Variants in AHCYL1 observed in about 807,000 individuals in gnomAD.
AHCYL1 encodes adenosylhomocysteinase like 1, also known as S-adenosylhomocysteine hydrolase-like protein 1.
Under a neutral mutation model 79.3 loss-of-function variants are expected in AHCYL1, and 20 were observed. The ratio of observed to expected loss-of-function variants is 0.25; its 90% CI spans 0.18 to 0.37. The LOEUF (loss-of-function observed/expected upper bound fraction) is 0.37, where lower values mean the gene tolerates loss of function less well. Ranked by LOEUF, AHCYL1 falls within the 10% of genes least tolerant of loss-of-function variation. The pLI is 1.00. For synonymous variants in AHCYL1, 223 were observed against 242.2 expected (o/e 0.92, Z 0.74); for missense variants, 330 against 673.6 (o/e 0.49, Z 5.65).
chr1:110,007,711 C>T (rs965166987), intron 1 of AHCYL1, among the ~76,000 whole-genome samples: 2 of 152,160 alleles, frequency 1.3e-5, no homozygotes, highest in Non-Finnish European at 2.9e-5. Flanking sequence ...TTGCTAAAGA[C>T]TTAGCTTAAT....
chr1:110,007,135 T>C (rs1255894568), intron 1 of AHCYL1, among the ~76,000 whole-genome samples: 1 of 152,296 alleles, frequency 6.6e-6, no homozygotes, highest in South Asian at 2.1e-4. Context: ...TATGAAAAAC[T>C]GCAAGTGTTA....
chr1:109,991,745 C>T (rs957428370), intron 1 of AHCYL1, among the ~76,000 whole-genome samples: 20 of 152,230 alleles, frequency 1.3e-4, no homozygotes, highest in African/African-American at 4.6e-4. Flanking sequence ...GTGTGAACTA[C>T]GTAGTAAATT....
Position 110,012,954 on chromosome 1 carries a change from A to G in AHCYL1, c.535A>G (p.Ile179Val). Residue 179 changes from isoleucine (I) to valine (V), a missense_variant, in exon 5 of 17, where the codon ATC becomes GTC. Ile to Val is a conservative substitution (Grantham distance 29). Transcript: ENST00000369799. ...TCAGTGCCGCTGGTCTGCTTGTAACATCTACTCAACTCAGAATGAAGTAGC... is the reference window on the plus strand; with the variant it reads ...TCAGTGCCGCTGGTCTGCTTGTAACGTCTACTCAACTCAGAATGAAGTAGC... ...GAQCRWSACNIYSTQNEVAAA... is the reference protein window; with the variant it reads ...GAQCRWSACNVYSTQNEVAAA... 6.2e-7 allele frequency: 1 copy of G among 1,613,344 alleles called. No individual in the cohort carries two copies. The highest frequency in any genetic ancestry group is 8.5e-7 in the Non-Finnish European group (1 of 1,179,840).
intron 1 of AHCYL1, among the ~76,000 whole-genome samples, chr1:110,000,663 TAAAG>T (rs1331524242): frequency 1.3e-5 from 2 of 151,988 alleles, no homozygotes; most frequent in Non-Finnish European, 2.9e-5. Flanking sequence ...CCCTTGGAAA[TAAAG>T]GGGAAAGCTG....
intron 5 of AHCYL1, among the ~76,000 whole-genome samples, 178 bp from the exon 6 acceptor site, chr1:110,014,585 A>T (rs1214366718): frequency 1.3e-5 from 2 of 152,250 alleles, no homozygotes; most frequent in African/African-American, 2.4e-5. Context: ...AAAATTCCTT[A>T]ATTTCTTAAC....
intron 1 of AHCYL1, chr1:110,004,543 T>C: frequency 1.0e-6 from 1 of 964,708 alleles, no homozygotes; most frequent in Non-Finnish European, 1.2e-6. Flanking sequence ...TATTCAGACT[T>C]GTGTATTTCT....
At chr1:110,011,486 C>A (rs529832242) in intron 3 of AHCYL1, 129 bp downstream of exon 3, 4 of 1,240,190 alleles carry the variant, frequency 3.2e-6, no homozygotes, top group Non-Finnish European at 4.5e-6. Context: ...TATGGACTTT[C>A]GGATAAACAC....
At chr1:109,996,097 C>T (rs924602420) in intron 1 of AHCYL1, among the ~76,000 whole-genome samples, 1 of 152,140 alleles carries the variant, frequency 6.6e-6, no homozygotes, top group Admixed American at 6.5e-5. Flanking sequence ...GTCCCAGCTA[C>T]ACAGAAGGCT....
At position 110,016,659 on chromosome 1, in the gene AHCYL1, T is replaced by G. The variant is rs754547222; in HGVS notation, c.900-8T>G. ...ACGTTTGAGTTGAGCCCTTGTCTGTTTCCACAGCCTGAAGAGGACCACAGA... is the reference window on the plus strand; with the variant it reads ...ACGTTTGAGTTGAGCCCTTGTCTGTGTCCACAGCCTGAAGAGGACCACAGA... On this transcript the variant is annotated splice_polypyrimidine_tract_variant and splice_region_variant and intron_variant, in intron 8 of 16. Transcript: ENST00000369799. 1.2e-6 allele frequency: 2 copies of G among 1,614,116 alleles called. No homozygotes were observed. The highest frequency in any genetic ancestry group is 3.3e-5 in the Admixed American group (2 of 60,000).
At chr1:110,018,740 A>C in intron 13 of AHCYL1, 90 bp downstream of exon 13, 1 of 1,185,368 alleles carries the variant, frequency 8.4e-7, no homozygotes. Flanking sequence ...TATTAGGCCT[A>C]TGTTTCCCTG....
intron 1 of AHCYL1, among the ~76,000 whole-genome samples, chr1:110,001,369 T>G (rs899459339): frequency 1.3e-5 from 2 of 152,044 alleles, no homozygotes; most frequent in African/African-American, 4.8e-5. Context: ...GTAATTTTAG[T>G]AGAGATGGGT....
At chr1:110,007,931 G>A (rs2101721286) in intron 1 of AHCYL1, among the ~76,000 whole-genome samples, 1 of 151,648 alleles carries the variant, frequency 6.6e-6, no homozygotes, top group African/African-American at 2.4e-5. Context: ...AATATCAATT[G>A]CAAGCTATTT....
At chr1:109,991,755 T>C (rs913075061) in intron 1 of AHCYL1, among the ~76,000 whole-genome samples, 1 of 152,146 alleles carries the variant, frequency 6.6e-6, no homozygotes, top group East Asian at 1.9e-4. Flanking sequence ...CGTAGTAAAT[T>C]TGTGAGTGAC....
chr1:110,016,335 T>C lies in AHCYL1; in HGVS notation c.783-9T>C. 1 of 1,594,782 alleles carries C rather than the reference T, an allele frequency of 6.3e-7. No homozygotes were observed. Among genetic ancestry groups the C allele is most frequent in the Middle Eastern group, 1.7e-4 (1 of 5,976 alleles). ...TTTTGTTTGTTTTTGTGACCTCTTC[T>C]CTCTTTAGGCTGTATCAGCTCTCCA... is the stretch of plus-strand genomic sequence containing the variant. On this transcript the variant is annotated splice_polypyrimidine_tract_variant and intron_variant, in intron 7 of 16. Transcript: ENST00000369799.
At chr1:110,019,018 A>G in intron 13 of AHCYL1, 33 bp from the exon 14 acceptor site, 1 of 1,605,526 alleles carries the variant, frequency 6.2e-7, no homozygotes, top group Non-Finnish European at 8.5e-7. Context: ...TCTGAGACAG[A>G]GCTCATCCCA....
intron 1 of AHCYL1, among the ~76,000 whole-genome samples, chr1:109,988,485 C>A (rs1317289552): frequency 1.3e-5 from 2 of 152,186 alleles, no homozygotes; most frequent in African/African-American, 4.8e-5. Flanking sequence ...CCCTCTTTTG[C>A]TGCTACTTTG....
At position 110,021,938 on chromosome 1, in the gene AHCYL1, A is replaced by G; in HGVS notation, c.*258A>G. 1 of 437,684 alleles carries G rather than the reference A, an allele frequency of 2.3e-6. No individual in the cohort carries two copies. The highest frequency in any genetic ancestry group is 4.0e-6 in the Non-Finnish European group (1 of 249,102). The allele number at this position is 437,684 out of a possible 1,614,324, so 27.1% of individuals were successfully genotyped here. ...TTTACTCTCCCAGCCCAGAAAGGTG[A>G]TTCTTTCTTTACCATTTCTGGGGAC... is the stretch of plus-strand genomic sequence containing the variant. On this transcript the variant is annotated 3_prime_UTR_variant, in exon 17 of 17. Transcript: ENST00000369799.
chr1:110,012,572 T>G (rs1651106828), intron 4 of AHCYL1, 110 bp downstream of exon 4: 2 of 882,100 alleles, frequency 2.3e-6, no homozygotes, highest in African/African-American at 3.4e-5. Flanking sequence ...TGCTAACTAT[T>G]AATAGGATCT....
At chr1:109,987,136 T>C (rs1649511050) in intron 1 of AHCYL1, among the ~76,000 whole-genome samples, 1 of 152,224 alleles carries the variant, frequency 6.6e-6, no homozygotes. Flanking sequence ...TACTTTGTAA[T>C]AAAGTGTTTC....
Sources: allele counts gnomAD v4.1 joint callset (sites outside exome capture counted in the v4.1 genomes callset), GRCh38; gene constraint gnomAD v4.1.1; transcripts MANE v1.5; gene names NCBI Gene and HGNC (gene_info 2026-07-23, HGNC 2026-07-21).